The following TNPO1 variants were observed in gnomAD, a reference collection of about 807,000 sequenced individuals.
TNPO1 encodes transportin 1, also known as transportin-1.
Under a neutral mutation model 119.5 loss-of-function variants are expected in TNPO1, and 8 were observed. The ratio of observed to expected loss-of-function variants is 0.07; its 90% CI spans 0.04 to 0.12. The LOEUF (loss-of-function observed/expected upper bound fraction) is 0.12. TNPO1 is among the 10% of genes least tolerant of loss of function. The pLI, the probability that TNPO1 is intolerant of heterozygous loss-of-function variation, is 1.00. For synonymous variants in TNPO1, 362 were observed against 363.0 expected, an observed-to-expected ratio of 1.00 and a Z score of 0.03; for missense variants, 576 against 1,089.8, an observed-to-expected ratio of 0.53 and a Z score of 6.64.
chr5:72,824,257 C>T (rs1194889895), intron 1 of TNPO1, among the ~76,000 whole-genome samples: 2 of 152,194 alleles, frequency 1.3e-5, no homozygotes, highest in Admixed American at 1.3e-4. Flanking sequence ...AACAGATATG[C>T]TATTATTTCT....
At chr5:72,877,382 T>G (rs1747874646) in intron 9 of TNPO1, 36 bp downstream of exon 9, 1 of 981,168 alleles carries the variant, frequency 1.0e-6, no homozygotes, top group Non-Finnish European at 1.5e-6. Context: ...GCCTTGTTCT[T>G]TAATTTCTTA....
At chr5:72,901,785 G>A (rs1044487004) in intron 22 of TNPO1, among the ~76,000 whole-genome samples, 3 of 152,172 alleles carry the variant, frequency 2.0e-5, no homozygotes, top group Admixed American at 1.3e-4. Flanking sequence ...AGCGTGGAAG[G>A]AATCCTGTAG....
intron 20 of TNPO1, among the ~76,000 whole-genome samples, chr5:72,897,759 C>T (rs1315809596): frequency 6.6e-6 from 1 of 151,662 alleles, no homozygotes; most frequent in African/African-American, 2.4e-5. Flanking sequence ...TTCTACCCTC[C>T]CTGATTGCTG....
chr5:72,819,901 A>C (rs1184373214), intron 1 of TNPO1, among the ~76,000 whole-genome samples: 1 of 152,240 alleles, frequency 6.6e-6, no homozygotes, highest in Non-Finnish European at 1.5e-5. Flanking sequence ...GACATGTATT[A>C]ACTTTTCTAT....
chr5:72,880,062 C>T (rs1445082091), intron 9 of TNPO1, among the ~76,000 whole-genome samples: 1 of 152,080 alleles, frequency 6.6e-6, no homozygotes, highest in East Asian at 1.9e-4. Context: ...CAGCACATGC[C>T]TGTAATTCCA....
At chr5:72,895,274 A>T (rs1260730570) in intron 18 of TNPO1, among the ~76,000 whole-genome samples, 1 of 151,872 alleles carries the variant, frequency 6.6e-6, no homozygotes, top group Admixed American at 6.6e-5. Context: ...CTGAGGTTTA[A>T]TGAGATTTAC....
chr5:72,890,817 A>G (rs530469655), intron 14 of TNPO1, among the ~76,000 whole-genome samples: 8 of 152,294 alleles, frequency 5.3e-5, no homozygotes, highest in African/African-American at 1.9e-4. Context: ...TGTACTATAT[A>G]GTAACAGCCA....
At chr5:72,861,563 A>G (rs893842128) in intron 4 of TNPO1, among the ~76,000 whole-genome samples, 1 of 152,074 alleles carries the variant, frequency 6.6e-6, no homozygotes, top group Admixed American at 6.5e-5. Flanking sequence ...CATCACGCCC[A>G]GCTGATTTTC....
intron 22 of TNPO1, among the ~76,000 whole-genome samples, chr5:72,901,600 G>T (rs1427051133): frequency 1.3e-5 from 2 of 152,054 alleles, no homozygotes; most frequent in African/African-American, 4.8e-5. Flanking sequence ...TAATTATTCG[G>T]CAGTAGTATT....
chr5:72,851,625 G>T (rs146233153), intron 3 of TNPO1, among the ~76,000 whole-genome samples: 41 of 152,194 alleles, frequency 2.7e-4, no homozygotes, highest in African/African-American at 9.2e-4. Context: ...CCTAGTAGCC[G>T]GGATTACAGG....
At chr5:72,820,404 G>T (rs1329456286) in intron 1 of TNPO1, among the ~76,000 whole-genome samples, 1 of 151,990 alleles carries the variant, frequency 6.6e-6, no homozygotes, top group African/African-American at 2.4e-5. Flanking sequence ...ATAATAAATT[G>T]AGACTACACA....
intron 1 of TNPO1, among the ~76,000 whole-genome samples, chr5:72,830,011 G>T (rs1373797800): frequency 1.3e-5 from 2 of 152,118 alleles, no homozygotes; most frequent in Non-Finnish European, 2.9e-5. Flanking sequence ...GGATTGTGAA[G>T]GTAGGAGATT....
chr5:72,877,395 T>C (rs374138477), intron 9 of TNPO1, 49 bp downstream of exon 9: 1 of 855,722 alleles, frequency 1.2e-6, no homozygotes, highest in Non-Finnish European at 1.8e-6. Context: ...ATTTCTTAAG[T>C]GATTCTTCAT....
chr5:72,905,293 A>T lies in TNPO1; in HGVS notation c.2590-10A>T, dbSNP rs1038994496. ...GTTATTGATAAATTAATGGTTTTTC[A>T]CTCTTACAGATCCTTCATGGATTTA... On this transcript the variant is annotated splice_polypyrimidine_tract_variant and intron_variant, in intron 23 of 24. Coordinates refer to ENST00000337273, the MANE Select transcript of TNPO1 (RefSeq NM_002270.4). 6.3e-7 allele frequency: 1 copy of T among 1,593,118 alleles called. No homozygotes were observed. Among genetic ancestry groups the T allele is most frequent in the Non-Finnish European group, 8.6e-7 (1 of 1,168,810 alleles).
intron 1 of TNPO1, among the ~76,000 whole-genome samples, chr5:72,830,292 G>A (rs890483737): frequency 4.6e-5 from 7 of 152,034 alleles, no homozygotes; most frequent in Non-Finnish European, 8.8e-5. Flanking sequence ...TGTGATTCCC[G>A]TAGAGTTTAA....
intron 19 of TNPO1, among the ~76,000 whole-genome samples, chr5:72,896,805 G>A (rs1055437469): frequency 3.3e-5 from 5 of 152,136 alleles, no homozygotes; most frequent in Non-Finnish European, 7.4e-5. Context: ...GGAGGCAGAG[G>A]TTTCAGTGAG....
chr5:72,829,618 C>T (rs1472282268), intron 1 of TNPO1, among the ~76,000 whole-genome samples: 1 of 152,190 alleles, frequency 6.6e-6, no homozygotes, highest in Non-Finnish European at 1.5e-5. Flanking sequence ...TGAAGTATGA[C>T]TATTCCTTGT....
At chr5:72,887,029 A>G (rs1346730847) in intron 11 of TNPO1, 41 bp from the exon 12 acceptor site, 2 of 1,548,584 alleles carry the variant, frequency 1.3e-6, no homozygotes, top group Admixed American at 3.7e-5. Context: ...TATAAGTAAT[A>G]AGAGGTTAAT....
At chr5:72,871,871 T>G (rs1201936941) in intron 6 of TNPO1, 1 of 152,166 alleles carries the variant, frequency 6.6e-6, no homozygotes, top group Non-Finnish European at 1.5e-5. Context: ...GGAGCCAAAT[T>G]TAGCCCATGA....
Sources: allele counts gnomAD v4.1 joint callset (sites outside exome capture counted in the v4.1 genomes callset), GRCh38; gene constraint gnomAD v4.1.1; transcripts MANE v1.5; gene names NCBI Gene and HGNC (gene_info 2026-07-23, HGNC 2026-07-21).